Variants in UGT1A10 observed in about 807,000 individuals in gnomAD.
The protein encoded by UGT1A10 is UDP glucuronosyltransferase family 1 member A10, also known as UDP-glucuronosyltransferase 1A10.
A neutral mutation model predicts 45.8 loss-of-function variants in UGT1A10; 49 were observed. The ratio of observed to expected loss-of-function variants is 1.07; its 90% confidence interval spans 0.85 to 1.36. The LOEUF (loss-of-function observed/expected upper bound fraction) is 1.36. Ranked by LOEUF, UGT1A10 falls within the 40% of genes most tolerant of loss-of-function variation. The pLI is 0.00. For synonymous variants in UGT1A10, 284 were observed against 249.7 expected (o/e 1.14, Z -1.29); for missense variants, 745 against 668.6 (o/e 1.11, Z -1.26).
intron 1 of UGT1A10, among the ~76,000 whole-genome samples, chr2:233,711,145 T>A (rs1293113032): frequency 1.3e-5 from 2 of 152,232 alleles, no homozygotes; most frequent in Non-Finnish European, 2.9e-5. Flanking sequence ...TGCCTTGGGC[T>A]GCTCCTCCTA....
Position 233,772,341 on chromosome 2 carries a change from G to A in UGT1A10, c.1375G>A (p.Val459Met), listed in dbSNP as rs753234232. The change falls in exon 5 of 5, where the codon GTG becomes ATG. Residue 459 changes from valine (V) to methionine (M), a missense_variant. Val to Met is a conservative substitution (Grantham distance 21, BLOSUM62 1). Coordinates refer to ENST00000344644, the MANE Select transcript of UGT1A10 (RefSeq NM_019075.4). ...GCCGCTGGACCTGGCCGTGTTCTGG[G>A]TGGAGTTTGTGATGAGGCACAAGGG... ...VEPLDLAVFW[V>M]EFVMRHKGAP... The A allele has an allele frequency of 1.9e-6, 3 of 1,614,248 alleles. No individual in the cohort carries two copies. The highest frequency in any genetic ancestry group is 4.5e-5 in the East Asian group (2 of 44,884).
At chr2:233,672,826 C>T (rs371764696) in intron 1 of UGT1A10, 9 of 1,571,838 alleles carry the variant, frequency 5.7e-6, no homozygotes, top group Non-Finnish European at 7.8e-6. Context: ...AAGAATACTT[C>T]ACCTTTGGAA....
At chr2:233,655,752 C>T (rs1408515472) in intron 1 of UGT1A10, among the ~76,000 whole-genome samples, 1 of 152,184 alleles carries the variant, frequency 6.6e-6, no homozygotes, top group Non-Finnish European at 1.5e-5. Context: ...TGGAGGTTCA[C>T]AGAGCCCCAT....
intron 1 of UGT1A10, among the ~76,000 whole-genome samples, chr2:233,674,425 G>A (rs1388010755): frequency 6.6e-6 from 1 of 152,044 alleles, no homozygotes; most frequent in Non-Finnish European, 1.5e-5. Flanking sequence ...TGTAGTAACA[G>A]GCACCACTTA....
intron 1 of UGT1A10, chr2:233,718,659 T>G: frequency 6.5e-7 from 1 of 1,530,752 alleles, no homozygotes; most frequent in Non-Finnish European, 8.8e-7. Flanking sequence ...CGAAAGGCAG[T>G]TATAGATTAA....
chr2:233,760,801 T>G (rs1365770885), intron 1 of UGT1A10: 2 of 1,613,398 alleles, frequency 1.2e-6, no homozygotes, highest in South Asian at 1.1e-5. Context: ...TGTATTCTTC[T>G]TGCATGCACT....
At chr2:233,690,467 C>T in intron 1 of UGT1A10, 1 of 1,289,274 alleles carries the variant, frequency 7.8e-7, no homozygotes, top group Non-Finnish European at 1.0e-6. Context: ...AGCTATCCTC[C>T]ATTTACTTTT....
intron 1 of UGT1A10, chr2:233,681,902 GA>G: frequency 1.9e-6 from 3 of 1,594,860 alleles, no homozygotes; most frequent in Non-Finnish European, 2.6e-6. Flanking sequence ...TAGGAGCTTA[GA>G]ATCCCAGCTG....
At chr2:233,734,081 A>G (rs1041213735) in intron 1 of UGT1A10, among the ~76,000 whole-genome samples, 23 of 152,124 alleles carry the variant, frequency 1.5e-4, no homozygotes, top group African/African-American at 5.6e-4. Context: ...CATTGTGCAC[A>G]TGCACCCTAA....
chr2:233,689,372 G>A (rs2074939613), intron 1 of UGT1A10, among the ~76,000 whole-genome samples: 1 of 152,256 alleles, frequency 6.6e-6, no homozygotes, highest in Non-Finnish European at 1.5e-5. Context: ...AGGGCACAAA[G>A]CAAGGAGTGT....
intron 1 of UGT1A10, among the ~76,000 whole-genome samples, chr2:233,724,966 G>A (rs1480944004): frequency 1.5e-5 from 2 of 135,640 alleles, no homozygotes; most frequent in South Asian, 2.5e-4. Flanking sequence ...GGAGGCCGAG[G>A]TTGGCGGATC....
At chr2:233,772,103 ACT>A (rs758185020) in intron 4 of UGT1A10, among the ~76,000 whole-genome samples, 157 bp from the exon 5 acceptor site, 84 of 152,280 alleles carry the variant, frequency 5.5e-4, no homozygotes, top group Admixed American at 1.4e-3. Flanking sequence ...ACAGGGCAAG[ACT>A]CTGTATCTAA....
At chr2:233,758,761 T>C (rs892563894) in intron 1 of UGT1A10, among the ~76,000 whole-genome samples, 1 of 152,200 alleles carries the variant, frequency 6.6e-6, no homozygotes, top group Non-Finnish European at 1.5e-5. Context: ...GTGATGTGTA[T>C]GGTTCAAATG....
intron 1 of UGT1A10, among the ~76,000 whole-genome samples, chr2:233,733,960 G>T (rs2078458395): frequency 6.6e-6 from 1 of 151,916 alleles, no homozygotes; most frequent in African/African-American, 2.4e-5. Flanking sequence ...CTGTTGTGGG[G>T]TAGGGGGAGC....
At chr2:233,712,795 G>C (rs551571775) in intron 1 of UGT1A10, among the ~76,000 whole-genome samples, 3 of 152,166 alleles carry the variant, frequency 2.0e-5, no homozygotes, top group Non-Finnish European at 2.9e-5. Flanking sequence ...AGGAGTGATC[G>C]GTCTTTCCCA....
chr2:233,747,249 G>A (rs1310551227), intron 1 of UGT1A10: 19 of 1,600,704 alleles, frequency 1.2e-5, no homozygotes, highest in Non-Finnish European at 1.6e-5. Flanking sequence ...TGCTGTGGCT[G>A]GCCACAGGAG....
At position 233,767,086 on chromosome 2, in the gene UGT1A10, C is replaced by A. The variant is rs1169717734; in HGVS notation, c.908C>A (p.Ser303Tyr). 2 of 1,614,008 alleles carry A rather than the reference C, an allele frequency of 1.2e-6. No individual in the cohort carries two copies. Among genetic ancestry groups the A allele is most frequent in the Non-Finnish European group, 1.7e-6 (2 of 1,180,008 alleles). Residue 303 changes from serine (S) to tyrosine (Y), a missense_variant, in exon 2 of 5, where the codon TCT becomes TAT. Coordinates refer to ENST00000344644, the MANE Select transcript of UGT1A10 (RefSeq NM_019075.4). ...ASGEHGIVVF[S>Y]LGSMVSEIPE... ...GGAGAACATGGAATTGTGGTTTTCT[C>A]TTTGGGATCAATGGTCTCAGAAATT...
chr2:233,729,944 T>C, intron 1 of UGT1A10: 6 of 1,614,066 alleles, frequency 3.7e-6, no homozygotes, highest in Non-Finnish European at 5.1e-6. Flanking sequence ...ATGCCCAACA[T>C]GGTCTTCATT....
chr2:233,666,487 C>T (rs775358673), intron 1 of UGT1A10, among the ~76,000 whole-genome samples: 13 of 151,968 alleles, frequency 8.6e-5, no homozygotes, highest in Non-Finnish European at 1.3e-4. Flanking sequence ...CATCTGTGTA[C>T]CTTCTTGGGT....
Sources: allele counts gnomAD v4.1 joint callset (sites outside exome capture counted in the v4.1 genomes callset), GRCh38; gene constraint gnomAD v4.1.1; transcripts MANE v1.5; gene names NCBI Gene and HGNC (gene_info 2026-07-23, HGNC 2026-07-21).